TNFRSF19: variants seen among roughly 807,000 people sequenced by gnomAD.
The protein encoded by TNFRSF19 is TNF receptor superfamily member 19.
TNFRSF19 carries 27 observed loss-of-function variants against 46.4 expected under a neutral mutation model. The observed-to-expected ratio is 0.58, with a 90% CI of 0.43 to 0.80. The LOEUF (loss-of-function observed/expected upper bound fraction) is 0.80. Among genes scored for constraint, TNFRSF19 ranks in the 30% least tolerant of loss-of-function variants. The pLI is 0.00. For missense variants in TNFRSF19, 511 were observed against 530.8 expected (o/e 0.96, Z 0.37); for synonymous variants, 204 against 205.0 (o/e 1.00, Z 0.04).
At position 23,615,857 on chromosome 13, in the gene TNFRSF19, A is replaced by G; in HGVS notation, c.181-10A>G. The G allele has an allele frequency of 6.4e-7, 1 of 1,569,940 alleles. No homozygotes were observed. The highest frequency in any genetic ancestry group is 2.3e-5 in the East Asian group (1 of 43,684). On this transcript the variant is annotated splice_polypyrimidine_tract_variant and intron_variant, in intron 3 of 9. Coordinates refer to ENST00000248484, the MANE Select transcript of TNFRSF19 (RefSeq NM_148957.4). Reference sequence around the variant, plus strand: ...CTGAATAGCTTTCTGTTACCCGTTAATCCCCACAGGAATGTGGCTTCGGCT... The same window carrying G: ...CTGAATAGCTTTCTGTTACCCGTTAGTCCCCACAGGAATGTGGCTTCGGCT...
intron 5 of TNFRSF19, among the ~76,000 whole-genome samples, chr13:23,655,171 A>C (rs1225608022): frequency 6.6e-6 from 1 of 152,166 alleles, no homozygotes; most frequent in Non-Finnish European, 1.5e-5. Context: ...CTTTTCTTCT[A>C]TTCAGATTTT....
In TNFRSF19 at chr13:23,615,894, G is replaced by C; in HGVS notation, c.208G>C (p.Ala70Pro). The stretch of plus-strand genomic sequence containing the variant: ...ATGTGGCTTCGGCTATGGGGAGGAT[G>C]CACAGTGTGTGACGTGCCGGCTGCA... ...KECGFGYGED[A>P]QCVTCRLHRF... Residue 70 changes from alanine (A) to proline (P), a missense_variant, in exon 4 of 10, where the codon GCA becomes CCA. Physicochemically the swap from Ala to Pro is conservative, Grantham distance 27 (BLOSUM62 -1). Around this residue, in one of 3 missense-constraint regions of TNFRSF19, gnomAD observed 121 missense variants for 124.1 expected, o/e 0.98. Coordinates refer to ENST00000248484, the MANE Select transcript of TNFRSF19 (RefSeq NM_148957.4). 3 of 1,611,742 alleles carry C rather than the reference G, an allele frequency of 1.9e-6. No homozygotes were observed. Among genetic ancestry groups the C allele is most frequent in the Non-Finnish European group, 2.5e-6 (3 of 1,178,520 alleles).
At position 23,579,831 on chromosome 13, in the gene TNFRSF19, G is replaced by T. The variant is rs535947166; in HGVS notation, c.-35+8983G>T. ...ACTCCTATCCGGGATATTGTAAATA[G>T]ATCTGCTTGTGAGGCTCACGACTGG... On this transcript the variant is annotated intron_variant, in intron 1 of 9. Coordinates refer to ENST00000248484, the MANE Select transcript of TNFRSF19 (RefSeq NM_148957.4). Among the ~76,000 whole-genome samples, 74 of 152,190 alleles carry T rather than the reference G, an allele frequency of 4.9e-4. 1 individual carries two copies. Among genetic ancestry groups the T allele is most frequent in the African/African-American group, 1.7e-3 (69 of 41,540 alleles).
intron 7 of TNFRSF19, among the ~76,000 whole-genome samples, chr13:23,665,232 T>C (rs1030297448): frequency 2.6e-5 from 4 of 152,188 alleles, no homozygotes; most frequent in Non-Finnish European, 4.4e-5. Flanking sequence ...TCAGAGTAAG[T>C]AGGAATACTT....
At chr13:23,602,243 TCAAAG>T (rs1401157834) in intron 3 of TNFRSF19, among the ~76,000 whole-genome samples, 2 of 152,100 alleles carry the variant, frequency 1.3e-5, no homozygotes, top group Non-Finnish European at 2.9e-5. Context: ...AGAGCAGACT[TCAAAG>T]CAAAGACAGA....
At chr13:23,616,360 C>A (rs528299060) in intron 4 of TNFRSF19, among the ~76,000 whole-genome samples, 66 of 152,192 alleles carry the variant, frequency 4.3e-4, no homozygotes, top group African/African-American at 1.5e-3. Context: ...AACAAGCAAC[C>A]CACAAAAGAG....
intron 1 of TNFRSF19, among the ~76,000 whole-genome samples, chr13:23,577,397 T>A (rs1232983554): frequency 2.0e-5 from 3 of 152,248 alleles, no homozygotes; most frequent in Non-Finnish European, 4.4e-5. Flanking sequence ...GCAGATTCAA[T>A]TCCACTCAGA....
intron 5 of TNFRSF19, among the ~76,000 whole-genome samples, chr13:23,638,706 G>C (rs1882850992): frequency 1.3e-5 from 2 of 152,040 alleles, no homozygotes; most frequent in South Asian, 4.1e-4. Context: ...GATGTTCCTG[G>C]GTCCCTGGTT....
At chr13:23,599,131 T>C (rs1445853372) in intron 3 of TNFRSF19, among the ~76,000 whole-genome samples, 11 of 152,244 alleles carry the variant, frequency 7.2e-5, no homozygotes, top group Admixed American at 2.0e-4. Context: ...CTGTGTGATA[T>C]CTCATTAACA....
At chr13:23,642,574 T>C (rs1057102740) in intron 5 of TNFRSF19, among the ~76,000 whole-genome samples, 1 of 152,224 alleles carries the variant, frequency 6.6e-6, no homozygotes, top group Admixed American at 6.5e-5. Flanking sequence ...GACTGTTGGC[T>C]GCAAAGCTGT....
intron 5 of TNFRSF19, among the ~76,000 whole-genome samples, chr13:23,651,080 C>T (rs527545431): frequency 1.0e-3 from 157 of 152,150 alleles, no homozygotes; most frequent in Non-Finnish European, 1.9e-3. Context: ...GAACTGTATG[C>T]TTGTCTCAAT....
intron 7 of TNFRSF19, among the ~76,000 whole-genome samples, chr13:23,663,611 A>G (rs1453213974): frequency 6.6e-6 from 1 of 152,168 alleles, no homozygotes; most frequent in African/African-American, 2.4e-5. Context: ...GTCATGTGGT[A>G]GAATTTGGCT....
intron 4 of TNFRSF19, among the ~76,000 whole-genome samples, chr13:23,623,814 T>C (rs1881827997): frequency 6.6e-6 from 1 of 152,186 alleles, no homozygotes; most frequent in South Asian, 2.1e-4. Context: ...TGCCCATTTT[T>C]AAATTAGGTT....
At position 23,610,456 on chromosome 13, in the gene TNFRSF19, C is replaced by T. The variant is rs561833361; in HGVS notation, c.181-5411C>T. The stretch of plus-strand genomic sequence containing the variant: ...GCCCAGCTGAACCCAGCCCTCTGCT[C>T]CCTTGGGACCAAGATAAGGAAAGCT... On this transcript the variant is annotated intron_variant, in intron 3 of 9. Transcript: ENST00000248484. Among the ~76,000 whole-genome samples the T allele has an allele frequency of 4.6e-5, 7 of 152,298 alleles. No individual in the cohort carries two copies. In the South Asian group the frequency reaches 1.5e-3, roughly 32 times the overall value.
chr13:23,631,567 A>G (rs1882364623), intron 5 of TNFRSF19, among the ~76,000 whole-genome samples: 1 of 152,156 alleles, frequency 6.6e-6, no homozygotes, highest in Admixed American at 6.5e-5. Context: ...CCATGAGTGT[A>G]TTTCTGTGTC....
chr13:23,660,030 T>C lies in TNFRSF19; in HGVS notation c.611-335T>C, dbSNP rs573116046. Among the ~76,000 whole-genome samples the C allele has an allele frequency of 2.0e-5, 3 of 152,096 alleles. 1 individual carries two copies. Among genetic ancestry groups the C allele is most frequent in the African/African-American group, 7.2e-5 (3 of 41,484 alleles). On this transcript the variant is annotated intron_variant, in intron 6 of 9. Coordinates refer to ENST00000248484, the MANE Select transcript of TNFRSF19 (RefSeq NM_148957.4). ...CGTGGCAGAGGCTGAAGAAAATCTG[T>C]GTATAAGTGACCTGCGCAGTTCAAA...
intron 1 of TNFRSF19, among the ~76,000 whole-genome samples, chr13:23,584,808 T>G (rs1878707231): frequency 6.6e-6 from 1 of 152,202 alleles, no homozygotes; most frequent in Non-Finnish European, 1.5e-5. Flanking sequence ...AATACGTATA[T>G]TCTTAGCACA....
intron 5 of TNFRSF19, among the ~76,000 whole-genome samples, chr13:23,650,090 A>G (rs775847562): frequency 1.3e-5 from 2 of 152,172 alleles, no homozygotes; most frequent in African/African-American, 4.8e-5. Flanking sequence ...GTAAATCCCT[A>G]CAGGAATTGA....
rs1455806742 is a variant in TNFRSF19, at chr13:23,659,085, A to T, written c.481A>T (p.Thr161Ser). The T allele has an allele frequency of 1.2e-6, 2 of 1,613,874 alleles. No individual in the cohort carries two copies. The highest frequency in any genetic ancestry group is 1.1e-5 in the South Asian group (1 of 91,074). ...SKVNLVKIASTASSPRDTALA... is the reference protein window; with the variant it reads ...SKVNLVKIASSASSPRDTALA... ...GGTCAACCTCGTGAAGATCGCGTCC[A>T]CGGCCTCCAGCCCACGGGACACGGC... The change falls in exon 6 of 10, where the codon ACG becomes TCG. Residue 161 changes from threonine to serine, a missense_variant. This residue lies in a region of TNFRSF19 where 376 missense variants were observed against 372.7 expected (regional missense o/e 1.01). Transcript: ENST00000248484. The surrounding 1 kb of genome is among the most constrained non-coding windows in gnomAD (Gnocchi z 4.9).
Sources: gnomAD v4.1 joint callset for allele counts (sites outside exome capture counted in the v4.1 genomes callset) on GRCh38, gnomAD v4.1.1 for gene constraint, gnomAD v4.1.1 regional missense constraint, Gnocchi (gnomAD v3.1) non-coding constraint, MANE v1.5 for transcripts, NCBI Gene and HGNC (gene_info 2026-07-23, HGNC 2026-07-21) for gene names.